SRGAP3: variants seen among roughly 807,000 people sequenced by gnomAD.
SRGAP3 encodes SLIT-ROBO Rho GTPase-activating protein 3.
Under a neutral mutation model 121.1 loss-of-function variants are expected in SRGAP3, and 39 were observed. The observed-to-expected ratio is 0.32, with a 90% CI of 0.25 to 0.42. The LOEUF (loss-of-function observed/expected upper bound fraction) is 0.42. SRGAP3 is among the 10% of genes least tolerant of loss of function. The pLI is 1.00. For synonymous variants in SRGAP3, 601 were observed against 570.0 expected (o/e 1.05, Z -0.77); for missense variants, 1,213 against 1,470.6 (o/e 0.82, Z 2.86).
intron 1 of SRGAP3, among the ~76,000 whole-genome samples, chr3:9,360,970 T>C (rs2030772387): frequency 6.6e-6 from 1 of 152,248 alleles, no homozygotes; most frequent in Admixed American, 6.5e-5. Flanking sequence ...TTTTTACTTT[T>C]AGTCATTTTG....
In SRGAP3 at chr3:9,273,037, G is replaced by A. The variant is rs147010688; in HGVS notation, n.442+52973C>T. Reference sequence around the variant, plus strand: ...TTTTGGCACCAGGGACGGGTTTCACGGAAGACAACTTTTCCAAGGACGAGG... The same window carrying A: ...TTTTGGCACCAGGGACGGGTTTCACAGAAGACAACTTTTCCAAGGACGAGG... On this transcript the variant is annotated intron_variant and non_coding_transcript_variant, in intron 3 of 3. Coordinates refer to the SRGAP3 transcript ENST00000490889. Among the ~76,000 whole-genome samples the A allele has an allele frequency of 5.1e-3, 779 of 152,190 alleles. 8 individuals are homozygous for A. The highest frequency in any genetic ancestry group is 5.2e-3 in the Non-Finnish European group (351 of 68,004).
chr3:9,002,660 T>C (rs187979863), intron 18 of SRGAP3, among the ~76,000 whole-genome samples: 2 of 152,158 alleles, frequency 1.3e-5, no homozygotes, highest in Admixed American at 1.3e-4. Context: ...AGCTGGTTCT[T>C]TGAAAAGATC....
chr3:9,184,622 G>A (rs1450144340), intron 1 of SRGAP3, among the ~76,000 whole-genome samples: 6 of 152,138 alleles, frequency 3.9e-5, no homozygotes, highest in African/African-American at 1.2e-4. Context: ...GGTATTTATA[G>A]CCTAGAATGG....
chr3:9,019,580 C>T (rs962737295), intron 14 of SRGAP3, among the ~76,000 whole-genome samples: 1 of 152,240 alleles, frequency 6.6e-6, no homozygotes, highest in Admixed American at 6.5e-5. Context: ...CGAAGAGCAC[C>T]TCTAGAGCTG....
chr3:9,188,008 T>G (rs1951650532), intron 1 of SRGAP3, among the ~76,000 whole-genome samples: 1 of 152,146 alleles, frequency 6.6e-6, no homozygotes, highest in Non-Finnish European at 1.5e-5. Flanking sequence ...ACCCTTTCTG[T>G]GCCCATCCCA....
intron 8 of SRGAP3, among the ~76,000 whole-genome samples, chr3:9,055,885 TTTTGTTTGTTTG>T (rs146660097): frequency 1.1e-4 from 16 of 150,746 alleles, no homozygotes; most frequent in South Asian, 4.2e-4. Context: ...TCCTTTTGTG[TTTTGTTTGTTTG>T]TTTGTTTGTT....
At chr3:9,230,850 C>T (rs1439580590) in intron 1 of SRGAP3, among the ~76,000 whole-genome samples, 1 of 144,008 alleles carries the variant, frequency 6.9e-6, no homozygotes, top group Non-Finnish European at 1.5e-5. Context: ...GAGTAAGACC[C>T]TATCTCAAAA....
At chr3:9,236,030 G>T (rs1012550800) in intron 1 of SRGAP3, 3 of 160,034 alleles carry the variant, frequency 1.9e-5, no homozygotes, top group Non-Finnish European at 4.1e-5. Context: ...GATCAGACAG[G>T]AACTTCAAGC....
intron 4 of SRGAP3, among the ~76,000 whole-genome samples, chr3:9,068,891 A>T (rs1250139758): frequency 6.6e-6 from 1 of 152,182 alleles, no homozygotes; most frequent in Non-Finnish European, 1.5e-5. Context: ...AGCAGCTAGC[A>T]TCTATTGAGC....
chr3:9,222,843 G>A (rs1162428), intron 1 of SRGAP3, among the ~76,000 whole-genome samples: 523 of 152,218 alleles, frequency 3.4e-3, no homozygotes, highest in Non-Finnish European at 5.2e-3. Flanking sequence ...TGCCCCTTCC[G>A]CTTCTTGTAC....
intron 2 of SRGAP3, among the ~76,000 whole-genome samples, chr3:9,106,915 C>T (rs1214098561): frequency 2.0e-5 from 3 of 152,060 alleles, no homozygotes; most frequent in Non-Finnish European, 2.9e-5. Flanking sequence ...GTCCCCACCC[C>T]ACCCCCACCA....
chr3:9,232,661 A>G (rs1953257338), intron 1 of SRGAP3, among the ~76,000 whole-genome samples: 1 of 152,204 alleles, frequency 6.6e-6, no homozygotes, highest in Non-Finnish European at 1.5e-5. Flanking sequence ...TGAGTTTACT[A>G]TAGACCAGGG....
intron 4 of SRGAP3, among the ~76,000 whole-genome samples, chr3:9,071,576 C>T (rs1347657747): frequency 6.6e-6 from 1 of 151,868 alleles, no homozygotes; most frequent in East Asian, 1.9e-4. Context: ...GAGAAGCCTG[C>T]CAGATCATGA....
chr3:9,187,241 T>C (rs1951625166), intron 1 of SRGAP3, among the ~76,000 whole-genome samples: 1 of 152,008 alleles, frequency 6.6e-6, no homozygotes, highest in Non-Finnish European at 1.5e-5. Flanking sequence ...TGTTAGTTTG[T>C]CCCTCAGCAA....
At chr3:9,238,455 G>A (rs900008045) in intron 1 of SRGAP3, among the ~76,000 whole-genome samples, 1 of 152,174 alleles carries the variant, frequency 6.6e-6, no homozygotes, top group African/African-American at 2.4e-5. Context: ...TTGACAGAAT[G>A]TCTGATGACA....
chr3:9,111,860 C>T (rs990756651), intron 2 of SRGAP3, among the ~76,000 whole-genome samples: 4 of 152,298 alleles, frequency 2.6e-5, no homozygotes, highest in Middle Eastern at 3.4e-3. Context: ...ATGCAAGCGT[C>T]GACCCAGCAA....
intron 3 of SRGAP3, among the ~76,000 whole-genome samples, chr3:9,283,259 T>C (rs1954713150): frequency 6.6e-6 from 1 of 152,202 alleles, no homozygotes; most frequent in South Asian, 2.1e-4. Context: ...TCTTAAAGAC[T>C]AGTTGCATGT....
intron 3 of SRGAP3, among the ~76,000 whole-genome samples, chr3:9,298,566 T>C (rs900900968): frequency 3.3e-5 from 5 of 151,944 alleles, no homozygotes; most frequent in Admixed American, 6.6e-5. Context: ...GGATCCTATG[T>C]ACCCTTTCCA....
At chr3:8,986,046 G>C in intron 21 of SRGAP3, 114 bp from the exon 22 acceptor site, 2 of 1,554,916 alleles carry the variant, frequency 1.3e-6, no homozygotes. Flanking sequence ...TCGCGGCAGG[G>C]ATGGAGATTA....
Sources: allele counts gnomAD v4.1 joint callset (sites outside exome capture counted in the v4.1 genomes callset), GRCh38; gene constraint gnomAD v4.1.1; transcripts MANE v1.5; gene names NCBI Gene and HGNC (gene_info 2026-07-23, HGNC 2026-07-21).